The following CTNNA3 variants were observed in gnomAD, a reference collection of about 807,000 sequenced individuals.
The protein encoded by CTNNA3 is catenin alpha-3.
Under a neutral mutation model 95.7 loss-of-function variants are expected in CTNNA3, and 76 were observed. The ratio of observed to expected loss-of-function variants is 0.79; its 90% CI spans 0.66 to 0.96. The LOEUF (loss-of-function observed/expected upper bound fraction) is 0.96. CTNNA3 is among the 40% of genes least tolerant of loss of function. The pLI is 0.00. For missense variants in CTNNA3, 1,191 were observed against 1,089.8 expected, an observed-to-expected ratio of 1.09 and a Z score of -1.31; for synonymous variants, 431 against 374.4, an observed-to-expected ratio of 1.15 and a Z score of -1.74.
At chr10:66,743,732 C>T (rs1039661732) in intron 9 of CTNNA3, among the ~76,000 whole-genome samples, 8 of 152,140 alleles carry the variant, frequency 5.3e-5, no homozygotes, top group Admixed American at 3.3e-4. Flanking sequence ...AATCCCAGCA[C>T]TTTGGAAGGC....
At chr10:66,005,920 C>G (rs2078869785) in intron 15 of CTNNA3, among the ~76,000 whole-genome samples, 1 of 151,818 alleles carries the variant, frequency 6.6e-6, no homozygotes. Flanking sequence ...ACTTAGTAAT[C>G]CCCTTTATTG....
chr10:66,130,892 A>G (rs931406582), intron 13 of CTNNA3, among the ~76,000 whole-genome samples: 1 of 151,654 alleles, frequency 6.6e-6, no homozygotes, highest in Non-Finnish European at 1.5e-5. Flanking sequence ...AAAGAAATAC[A>G]GAGAATCATC....
intron 5 of CTNNA3, among the ~76,000 whole-genome samples, chr10:67,457,914 T>C (rs979522432): frequency 2.6e-5 from 4 of 152,234 alleles, no homozygotes; most frequent in Admixed American, 2.6e-4. Flanking sequence ...GCAGGTCCAT[T>C]GATTAGCAAC....
intron 5 of CTNNA3, among the ~76,000 whole-genome samples, chr10:67,344,707 ATG>A (rs1842347906): frequency 6.6e-6 from 1 of 151,704 alleles, no homozygotes; most frequent in Non-Finnish European, 1.5e-5. Context: ...CCTTTTTCAT[ATG>A]TGATTTTATT....
rs528976077 is a variant in CTNNA3 at position 67,668,011 on chromosome 10, G to C, written c.-5-20493C>G. On this transcript the variant is annotated intron_variant, in intron 1 of 17. Transcript: ENST00000433211. ...TTGGAATATGTATATAAATAATTTT[G>C]TTATTGTTGTTGTTTCTAGTTACCC... Among the ~76,000 whole-genome samples the C allele has an allele frequency of 1.3e-4, 20 of 152,178 alleles. 1 individual carries two copies. In the South Asian group the frequency reaches 3.7e-3, roughly 28 times the overall value.
chr10:67,229,845 T>G (rs1865105292), intron 5 of CTNNA3, among the ~76,000 whole-genome samples: 1 of 152,020 alleles, frequency 6.6e-6, no homozygotes, highest in African/African-American at 2.4e-5. Context: ...TGGAAACACA[T>G]CCCATGCTCA....
At chr10:66,468,672 C>T (rs567415938) in intron 11 of CTNNA3, among the ~76,000 whole-genome samples, 40 of 150,306 alleles carry the variant, frequency 2.7e-4, no homozygotes, top group African/African-American at 1.0e-3. Flanking sequence ...TGTTTATTAG[C>T]TTGATTGTAG....
At chr10:67,583,139 A>C (rs1171012456) in intron 3 of CTNNA3, among the ~76,000 whole-genome samples, 2 of 152,082 alleles carry the variant, frequency 1.3e-5, no homozygotes, top group Admixed American at 1.3e-4. Context: ...TAGTTGATGC[A>C]GTTTCTTCCT....
intron 3 of CTNNA3, among the ~76,000 whole-genome samples, chr10:67,585,290 G>T (rs1445657218): frequency 6.6e-6 from 1 of 152,158 alleles, no homozygotes; most frequent in African/African-American, 2.4e-5. Flanking sequence ...CAGGGATAAT[G>T]ATCTGTTTTC....
intron 7 of CTNNA3, among the ~76,000 whole-genome samples, chr10:67,110,049 A>G (rs1394276153): frequency 1.3e-5 from 2 of 152,176 alleles, no homozygotes; most frequent in Non-Finnish European, 2.9e-5. Flanking sequence ...TATAAAATGT[A>G]TACTGTATTC....
At chr10:66,616,602 G>T (rs1277870194) in intron 10 of CTNNA3, among the ~76,000 whole-genome samples, 1 of 151,978 alleles carries the variant, frequency 6.6e-6, no homozygotes, top group Non-Finnish European at 1.5e-5. Flanking sequence ...TTTTTGAAGG[G>T]TGATACCTAT....
At chr10:67,548,163 T>C (rs142536115) in intron 3 of CTNNA3, among the ~76,000 whole-genome samples, 74 of 152,210 alleles carry the variant, frequency 4.9e-4, no homozygotes, top group African/African-American at 1.7e-3. Flanking sequence ...TGAGATCTAG[T>C]TGTTTAAAAG....
At chr10:65,985,641 C>G (rs934755260) in intron 16 of CTNNA3, among the ~76,000 whole-genome samples, 19 of 151,242 alleles carry the variant, frequency 1.3e-4, no homozygotes, top group African/African-American at 3.9e-4. Flanking sequence ...AACATTATAA[C>G]ATTTTAAAAT....
At chr10:66,872,655 C>T (rs746427942) in intron 7 of CTNNA3, among the ~76,000 whole-genome samples, 8 of 148,700 alleles carry the variant, frequency 5.4e-5, no homozygotes, top group South Asian at 4.2e-4. Context: ...GGTGACAGAA[C>T]GAGACCCCGT....
At chr10:66,370,180 G>A (rs2092743729) in intron 12 of CTNNA3, among the ~76,000 whole-genome samples, 1 of 152,078 alleles carries the variant, frequency 6.6e-6, no homozygotes, top group South Asian at 2.1e-4. Context: ...CTCGAATTAA[G>A]TTTTACAGAT....
At chr10:67,410,749 A>G (rs951087480) in intron 5 of CTNNA3, among the ~76,000 whole-genome samples, 1 of 152,142 alleles carries the variant, frequency 6.6e-6, no homozygotes, top group African/African-American at 2.4e-5. Context: ...AGTATTTCAA[A>G]GAGATTTCTG....
At chr10:65,987,350 T>A (rs576522861) in intron 16 of CTNNA3, among the ~76,000 whole-genome samples, 1 of 151,626 alleles carries the variant, frequency 6.6e-6, no homozygotes, top group African/African-American at 2.4e-5. Flanking sequence ...ATAAAACAAA[T>A]TTAAAAATGG....
At chr10:67,154,185 C>T (rs916683676) in intron 7 of CTNNA3, among the ~76,000 whole-genome samples, 2 of 151,954 alleles carry the variant, frequency 1.3e-5, no homozygotes, top group East Asian at 1.9e-4. Flanking sequence ...ATAACTTTTA[C>T]GATAAGAGTA....
intron 12 of CTNNA3, among the ~76,000 whole-genome samples, chr10:66,319,553 A>G (rs2092153035): frequency 6.6e-6 from 1 of 152,144 alleles, no homozygotes. Flanking sequence ...TCTAGAACAT[A>G]GAATATGAAC....
Sources: allele counts gnomAD v4.1 joint callset (sites outside exome capture counted in the v4.1 genomes callset), GRCh38; gene constraint gnomAD v4.1.1; transcripts MANE v1.5; gene names NCBI Gene and HGNC (gene_info 2026-07-23, HGNC 2026-07-21).